The following ATXN7 variants were observed in gnomAD, a reference collection of about 807,000 sequenced individuals.
The protein encoded by ATXN7 is ataxin 7.
Under a neutral mutation model 70.5 loss-of-function variants are expected in ATXN7, and 12 were observed. That is an observed-to-expected ratio of 0.17 (90% CI 0.11 to 0.28). The LOEUF (loss-of-function observed/expected upper bound fraction) is 0.28. Ranked by LOEUF, ATXN7 falls within the 10% of genes least tolerant of loss-of-function variation. ATXN7 has a pLI of 1.00. For synonymous variants in ATXN7, 498 were observed against 448.7 expected (o/e 1.11, Z -1.39); for missense variants, 1,256 against 1,131.7 (o/e 1.11, Z -1.58).
intron 1 of ATXN7, among the ~76,000 whole-genome samples, chr3:63,890,396 A>C (rs991212195): frequency 1.3e-5 from 2 of 152,238 alleles, no homozygotes; most frequent in African/African-American, 4.8e-5. Context: ...TGAGGGAAAC[A>C]AGTTTTGAGT....
At chr3:63,994,688 T>G (rs988652473) in intron 11 of ATXN7, among the ~76,000 whole-genome samples, 3 of 152,226 alleles carry the variant, frequency 2.0e-5, no homozygotes, top group African/African-American at 7.2e-5. Context: ...GGCTACCCCT[T>G]AAGTCAGGAT....
rs1458433412 is a variant in ATXN7 at position 63,873,155 on chromosome 3, A to T, written c.-111+8997A>T. On this transcript the variant is annotated intron_variant, in intron 1 of 12. Coordinates refer to ENST00000674280, the MANE Select transcript of ATXN7 (RefSeq NM_001377405.1). ...TCATGGTTTAATTACTTGCCAATCA[A>T]ATTAAATTTTATCCCCCCAATTTTT... 3.9e-5 allele frequency among the ~76,000 whole-genome samples: 6 copies of T among 152,168 alleles called. 1 individual carries two copies. The East Asian group carries it at 1.2e-3, about 29-fold the overall frequency.
At chr3:63,971,532 G>T (rs574708192) in intron 5 of ATXN7, among the ~76,000 whole-genome samples, 2 of 152,150 alleles carry the variant, frequency 1.3e-5, no homozygotes, top group Non-Finnish European at 1.5e-5. Context: ...CTTTTAAGAA[G>T]AATAAGAAAA....
intron 4 of ATXN7, among the ~76,000 whole-genome samples, chr3:63,941,716 C>T (rs1427224467): frequency 6.6e-6 from 1 of 151,896 alleles, no homozygotes; most frequent in Non-Finnish European, 1.5e-5. Context: ...ATTGGTCTCT[C>T]GTTGGTTCCA....
At chr3:63,865,118 T>C (rs1702368349) in intron 1 of ATXN7, 1 of 152,254 alleles carries the variant, frequency 6.6e-6, no homozygotes, top group African/African-American at 2.4e-5. Flanking sequence ...TGTTTCACTT[T>C]CCTTACTAAA....
chr3:63,982,820 A>G (rs1307916127), intron 7 of ATXN7, 119 bp from the exon 8 acceptor site: 4 of 776,060 alleles, frequency 5.2e-6, no homozygotes, highest in South Asian at 1.6e-5. Context: ...TTTATTGATA[A>G]TGTGGCTTTT....
chr3:63,922,327 C>T (rs1308771931), intron 4 of ATXN7, among the ~76,000 whole-genome samples: 1 of 152,186 alleles, frequency 6.6e-6, no homozygotes, highest in Non-Finnish European at 1.5e-5. Context: ...TAGGCATGAG[C>T]AATCATGCCC....
chr3:63,997,059 C>T (rs1356175641), intron 12 of ATXN7, among the ~76,000 whole-genome samples: 1 of 152,158 alleles, frequency 6.6e-6, no homozygotes, highest in East Asian at 1.9e-4. Context: ...GAGTTCAAGA[C>T]CAGCCTGGCC....
intron 2 of ATXN7, chr3:63,900,995 A>G (rs990878107): frequency 2.6e-5 from 4 of 152,192 alleles, no homozygotes; most frequent in South Asian, 2.1e-4. Flanking sequence ...TGTAGGCCCG[A>G]TATCTGTTCA....
At chr3:63,868,089 T>G (rs1209771478) in intron 1 of ATXN7, among the ~76,000 whole-genome samples, 1 of 152,180 alleles carries the variant, frequency 6.6e-6, no homozygotes, top group Non-Finnish European at 1.5e-5. Flanking sequence ...TGATGGTAGA[T>G]AAGCAAAGAT....
At chr3:63,993,387 TTGCAGTGAGCCGAG>T (rs2075704550) in intron 11 of ATXN7, among the ~76,000 whole-genome samples, 1 of 150,472 alleles carries the variant, frequency 6.6e-6, no homozygotes, top group African/African-American at 2.5e-5. Flanking sequence ...GAGGCAGAGC[TTGCAGTGAGCCGAG>T]ATCGCGCCAC....
intron 5 of ATXN7, among the ~76,000 whole-genome samples, chr3:63,972,654 G>C (rs1408490107): frequency 6.6e-6 from 1 of 152,160 alleles, no homozygotes; most frequent in Non-Finnish European, 1.5e-5. Context: ...CCTTTTATTT[G>C]TAAAATAACT....
chr3:63,954,488 C>T (rs893323956), intron 5 of ATXN7, among the ~76,000 whole-genome samples: 2 of 152,124 alleles, frequency 1.3e-5, no homozygotes, highest in African/African-American at 2.4e-5. Context: ...GTTCCCTGCT[C>T]TGGACGTGTT....
intron 4 of ATXN7, among the ~76,000 whole-genome samples, chr3:63,918,976 C>T (rs1349329961): frequency 1.1e-4 from 16 of 152,124 alleles, no homozygotes; most frequent in African/African-American, 3.4e-4. Context: ...AGCTCCTGTG[C>T]GTGTCTCCTT....
intron 5 of ATXN7, among the ~76,000 whole-genome samples, chr3:63,973,070 C>G (rs1336172279): frequency 1.3e-5 from 2 of 152,134 alleles, no homozygotes; most frequent in Non-Finnish European, 2.9e-5. Flanking sequence ...GCAAAGTAGG[C>G]TTGGCAACTG....
chr3:63,916,269 A>C (rs1001282167), intron 4 of ATXN7, among the ~76,000 whole-genome samples: 3 of 152,074 alleles, frequency 2.0e-5, no homozygotes, highest in Non-Finnish European at 4.4e-5. Context: ...CTGACTTCTT[A>C]ATTCTATATT....
intron 4 of ATXN7, among the ~76,000 whole-genome samples, chr3:63,932,934 G>T (rs1298090493): frequency 6.6e-6 from 1 of 152,202 alleles, no homozygotes; most frequent in African/African-American, 2.4e-5. Context: ...TATTATGGGT[G>T]TGCTATTCTT....
intron 5 of ATXN7, among the ~76,000 whole-genome samples, chr3:63,973,436 T>C (rs758704400): frequency 2.5e-4 from 38 of 152,170 alleles, no homozygotes; most frequent in Admixed American, 4.6e-4. Flanking sequence ...ACCTGGAAAC[T>C]GTGTAAGTTG....
intron 1 of ATXN7, among the ~76,000 whole-genome samples, chr3:63,893,594 A>C (rs181731787): frequency 1.3e-5 from 2 of 152,200 alleles, no homozygotes; most frequent in Non-Finnish European, 2.9e-5. Flanking sequence ...AAGACTCCAC[A>C]TGAGGCGTTC....
Sources: gnomAD v4.1 joint callset for allele counts (sites outside exome capture counted in the v4.1 genomes callset) on GRCh38, gnomAD v4.1.1 for gene constraint, MANE v1.5 for transcripts, NCBI Gene and HGNC (gene_info 2026-07-23, HGNC 2026-07-21) for gene names.